Variants in STARD13 observed in about 807,000 individuals in gnomAD.
STARD13 encodes stAR-related lipid transfer protein 13.
Under a neutral mutation model 106.4 loss-of-function variants are expected in STARD13, and 62 were observed. The ratio of observed to expected loss-of-function variants is 0.58; its 90% CI spans 0.48 to 0.72. STARD13 has a LOEUF of 0.72. Ranked by LOEUF, STARD13 falls within the 30% of genes least tolerant of loss-of-function variation. The probability of loss-of-function intolerance (pLI) is 0.00; values close to 1 mark genes in which losing one functional copy is unlikely to be tolerated. For synonymous variants in STARD13, 565 were observed against 553.0 expected, an observed-to-expected ratio of 1.02 and a Z score of -0.31; for missense variants, 1,387 against 1,424.0, an observed-to-expected ratio of 0.97 and a Z score of 0.42.
chr13:33,452,243 G>A, the STARD13 span, among the ~76,000 whole-genome samples: 6 of 152,058 alleles, frequency 3.9e-5, no homozygotes, highest in Non-Finnish European at 8.8e-5. Flanking sequence ...GGCCATGGTG[G>A]GCAGCCAATA....
At chr13:33,527,956 T>TA in the STARD13 span, among the ~76,000 whole-genome samples, 1 of 151,046 alleles carries the variant, frequency 6.6e-6, no homozygotes, top group Non-Finnish European at 1.5e-5. Flanking sequence ...AAGCCATAAG[T>TA]AATGTAACAC....
At chr13:33,165,109 T>A (rs938989305) in intron 3 of STARD13, among the ~76,000 whole-genome samples, 1 of 152,144 alleles carries the variant, frequency 6.6e-6, no homozygotes, top group Non-Finnish European at 1.5e-5. Context: ...TCTTTCTCTG[T>A]CATTTTCCTA....
At chr13:33,397,951 G>A in the STARD13 span, among the ~76,000 whole-genome samples, 34 of 152,278 alleles carry the variant, frequency 2.2e-4, no homozygotes, top group African/African-American at 7.0e-4. Flanking sequence ...CCCAAAGGTC[G>A]TATCTCCTAA....
chr13:33,287,580 A>G (rs1294279078), upstream of STARD13, among the ~76,000 whole-genome samples: 1 of 150,614 alleles, frequency 6.6e-6, no homozygotes, highest in East Asian at 1.9e-4. Context: ...TCTGAGACCT[A>G]AGGAACTGCT....
the STARD13 span, among the ~76,000 whole-genome samples, chr13:33,618,251 C>CT: frequency 2.0e-5 from 3 of 152,282 alleles, no homozygotes; most frequent in African/African-American, 4.8e-5. Flanking sequence ...CCTGAAAAAT[C>CT]TATCAATCAA....
In STARD13 at chr13:33,126,062, G is replaced by A. The variant is rs181618558; in HGVS notation, c.2082+19C>T. 1,970 of 1,607,188 alleles carry A rather than the reference G, an allele frequency of 1.2e-3. 25 individuals carry two copies. The highest frequency in any genetic ancestry group is 2.7e-4 in the Non-Finnish European group (312 of 1,176,128). ...TGGTTGGGGGTGGTGGGGCAGCAGC[G>A]GGGGGGTTACAGCCCTACCTGATCG... On this transcript the variant is annotated intron_variant, in intron 7 of 13. Transcript: ENST00000336934.
intron 1 of STARD13, among the ~76,000 whole-genome samples, chr13:33,219,787 A>G (rs866587441): frequency 2.7e-5 from 4 of 147,074 alleles, no homozygotes; most frequent in Non-Finnish European, 6.0e-5. Flanking sequence ...TGGGCGACAA[A>G]GCAAAATCCT....
At chr13:33,429,926 T>TG in the STARD13 span, among the ~76,000 whole-genome samples, 5,440 of 138,340 alleles carry the variant, frequency 0.039, 390 homozygotes, top group African/African-American at 0.14. Flanking sequence ...TACTTTTTTT[T>TG]TGGGGGGGGG....
At chr13:33,620,573 A>G in the STARD13 span, among the ~76,000 whole-genome samples, 3 of 152,046 alleles carry the variant, frequency 2.0e-5, no homozygotes, top group African/African-American at 2.4e-5. Flanking sequence ...ATGGGCCACC[A>G]TGCCCGGCCA....
chr13:33,459,013 G>A, the STARD13 span, among the ~76,000 whole-genome samples: 1 of 151,904 alleles, frequency 6.6e-6, no homozygotes, highest in Non-Finnish European at 1.5e-5. Flanking sequence ...AAAGTGCTGG[G>A]ATTACAGGCG....
chr13:33,239,251 C>T (rs954553339), intron 1 of STARD13, among the ~76,000 whole-genome samples: 1 of 152,134 alleles, frequency 6.6e-6, no homozygotes, highest in Non-Finnish European at 1.5e-5. Flanking sequence ...TATGTATATA[C>T]CACGTTTTCT....
chr13:33,209,874 G>A (rs1005851201), intron 1 of STARD13, among the ~76,000 whole-genome samples: 16 of 152,318 alleles, frequency 1.1e-4, no homozygotes, highest in Non-Finnish European at 2.2e-4. Flanking sequence ...TGGGGAGGCT[G>A]AGGTGGGAGG....
upstream of STARD13, among the ~76,000 whole-genome samples, chr13:33,289,678 G>A (rs556996563): frequency 2.3e-4 from 35 of 152,224 alleles, no homozygotes; most frequent in African/African-American, 6.3e-4. Flanking sequence ...AACTGCCTGC[G>A]ATACTGGAAT....
the STARD13 span, among the ~76,000 whole-genome samples, chr13:33,650,262 C>T: frequency 7.6e-6 from 1 of 131,682 alleles, no homozygotes; most frequent in Non-Finnish European, 1.5e-5. Flanking sequence ...GCGATCTCTG[C>T]TCACTGCAAG....
At chr13:33,658,319 C>T in the STARD13 span, 1 of 152,284 alleles carries the variant, frequency 6.6e-6, no homozygotes, top group Non-Finnish European at 1.5e-5. Flanking sequence ...CATTGATAGA[C>T]ACTTGAGTTG....
chr13:33,247,756 A>G (rs1889902484), intron 1 of STARD13, among the ~76,000 whole-genome samples: 2 of 152,180 alleles, frequency 1.3e-5, no homozygotes, highest in African/African-American at 2.4e-5. Context: ...CTCTACTGCT[A>G]TCGCCCAAAA....
At chr13:33,568,489 A>C in the STARD13 span, among the ~76,000 whole-genome samples, 1 of 148,146 alleles carries the variant, frequency 6.8e-6, no homozygotes, top group Non-Finnish European at 1.5e-5. Context: ...CAGGGATATC[A>C]AATGTTTAGG....
the STARD13 span, among the ~76,000 whole-genome samples, chr13:33,671,425 A>G: frequency 2.6e-5 from 4 of 152,220 alleles, no homozygotes; most frequent in African/African-American, 9.6e-5. Flanking sequence ...TCCCAGTAAA[A>G]TGCATATGTT....
chr13:33,461,283 TA>T, the STARD13 span, among the ~76,000 whole-genome samples: 1 of 152,234 alleles, frequency 6.6e-6, no homozygotes, highest in Non-Finnish European at 1.5e-5. Flanking sequence ...CATTTTACGT[TA>T]AACACAACAA....
Sources: allele counts gnomAD v4.1 joint callset (sites outside exome capture counted in the v4.1 genomes callset), GRCh38; gene constraint gnomAD v4.1.1; transcripts MANE v1.5; gene names NCBI Gene and HGNC (gene_info 2026-07-23, HGNC 2026-07-21).